The following EMC3 variants were observed in gnomAD, a reference collection of about 807,000 sequenced individuals.
EMC3 encodes 30 kDa protein.
A neutral mutation model predicts 36.6 loss-of-function variants in EMC3; 13 were observed. The ratio of observed to expected loss-of-function variants is 0.35; its 90% CI spans 0.23 to 0.56. EMC3 has a LOEUF of 0.56. Ranked by LOEUF, EMC3 falls within the 20% of genes least tolerant of loss-of-function variation. The pLI is 0.84. For missense variants in EMC3, 220 were observed against 324.5 expected, an observed-to-expected ratio of 0.68 and a Z score of 2.47; for synonymous variants, 120 against 111.9, an observed-to-expected ratio of 1.07 and a Z score of -0.46.
intron 1 of EMC3, among the ~76,000 whole-genome samples, chr3:9,995,112 GTTATGAC>G (rs1281827091): frequency 6.6e-6 from 1 of 152,114 alleles, no homozygotes; most frequent in Non-Finnish European, 1.5e-5. Context: ...TGAGAATTCT[GTTATGAC>G]TTATGGAGTG....
intron 1 of EMC3, among the ~76,000 whole-genome samples, chr3:9,984,125 A>C (rs913823931): frequency 6.7e-6 from 1 of 150,312 alleles, no homozygotes; most frequent in Admixed American, 6.7e-5. Flanking sequence ...CTCTGTCGCC[A>C]GGCTGGAGTG....
In EMC3 at chr3:10,008,749, T is replaced by C. The variant is rs1236286466; in HGVS notation, c.-242+2274A>G. 1.1e-4 allele frequency: 31 copies of C among 294,938 alleles called. No homozygotes were observed. The Admixed American group carries it at 1.5e-3, about 14-fold the overall frequency. 18.3% of individuals were successfully genotyped at this position (294,938 alleles called of 1,614,324 possible). A position where few individuals can be genotyped will look rare whatever the true frequency, so the allele number is the denominator to read the frequency against. On this transcript the variant is annotated intron_variant, in intron 1 of 8. Transcript: ENST00000470827. ...TCCCAGTACTCTGCTTTGTCCCCAT[T>C]CTCAGGTTCTGAAGTCATCCTGTTT...
chr3:9,991,229 T>C (rs1395490944), upstream of EMC3, among the ~76,000 whole-genome samples: 2 of 152,326 alleles, frequency 1.3e-5, no homozygotes, highest in East Asian at 3.9e-4. Context: ...CCCAAAGTGC[T>C]GGGATTATAG....
chr3:9,968,533 C>T (rs2085753911), intron 7 of EMC3: 1 of 152,222 alleles, frequency 6.6e-6, no homozygotes, highest in Non-Finnish European at 1.5e-5. Flanking sequence ...GTGGCAAGAA[C>T]AGACATCCTT....
chr3:9,974,234 G>C, intron 4 of EMC3, 150 bp downstream of exon 4: 1 of 603,808 alleles, frequency 1.7e-6, no homozygotes. Flanking sequence ...TCATTTTTGG[G>C]CAAAAGCCGT....
intron 1 of EMC3, among the ~76,000 whole-genome samples, chr3:9,983,344 C>T (rs953084262): frequency 2.0e-5 from 3 of 152,026 alleles, no homozygotes; most frequent in African/African-American, 7.3e-5. Context: ...GATGGGGTTT[C>T]ACCATGTTGG....
chr3:10,007,494 C>T (rs368603648), intron 1 of EMC3: 27 of 1,367,496 alleles, frequency 2.0e-5, no homozygotes, highest in South Asian at 5.7e-5. Flanking sequence ...CTTTCTGCTT[C>T]GATGGTTTCT....
intron 1 of EMC3, chr3:9,981,771 G>A (rs777312492): frequency 2.3e-6 from 1 of 440,680 alleles, no homozygotes. Flanking sequence ...TTTAAAGTCA[G>A]TACTTCTCAA....
chr3:9,980,292 G>A (rs1373369001), intron 1 of EMC3, among the ~76,000 whole-genome samples: 1 of 151,786 alleles, frequency 6.6e-6, no homozygotes, highest in African/African-American at 2.4e-5. Context: ...GGGATTACAG[G>A]CATGAAAAAC....
intron 7 of EMC3, among the ~76,000 whole-genome samples, chr3:9,966,665 C>T (rs913059661): frequency 2.0e-5 from 3 of 151,842 alleles, no homozygotes; most frequent in African/African-American, 7.3e-5. Flanking sequence ...ACCTCTGCCT[C>T]CCAGGTTCAA....
intron 1 of EMC3, among the ~76,000 whole-genome samples, chr3:9,982,886 T>TAA (rs1257974737): frequency 7.2e-6 from 1 of 139,136 alleles, no homozygotes. Flanking sequence ...ACTTGTCACT[T>TAA]AAAAAAAAAA....
intron 1 of EMC3, among the ~76,000 whole-genome samples, chr3:9,999,677 G>A (rs2086174056): frequency 6.6e-6 from 1 of 152,198 alleles, no homozygotes; most frequent in East Asian, 1.9e-4. Context: ...TCACAAATAC[G>A]CAGCAGTTTT....
At chr3:10,005,332 C>T (rs896187330) in intron 1 of EMC3, 2 of 152,056 alleles carry the variant, frequency 1.3e-5, no homozygotes, top group Non-Finnish European at 2.9e-5. Flanking sequence ...TGGACTTTGG[C>T]TTCAGTACAA....
intron 1 of EMC3, among the ~76,000 whole-genome samples, chr3:9,994,579 T>C (rs1212541699): frequency 2.2e-5 from 3 of 139,176 alleles, no homozygotes; most frequent in Non-Finnish European, 4.8e-5. Flanking sequence ...GAGACACTTT[T>C]TTTTTTTCAA....
upstream of EMC3, among the ~76,000 whole-genome samples, chr3:9,991,665 C>A (rs1478678133): frequency 2.6e-5 from 4 of 152,112 alleles, no homozygotes; most frequent in Non-Finnish European, 5.9e-5. Flanking sequence ...TAGGCATGAG[C>A]CTTCATGCCC....
At chr3:9,968,775 G>C (rs943902272) in intron 7 of EMC3, 1 of 151,990 alleles carries the variant, frequency 6.6e-6, no homozygotes, top group African/African-American at 2.4e-5. Context: ...CTCCTGGGTG[G>C]CTGGGATTAT....
rs569913295 is a variant in EMC3 at position 10,009,597 on chromosome 3, G to A, written c.-242+1426C>T. On this transcript the variant is annotated intron_variant, in intron 1 of 8. Coordinates refer to the EMC3 transcript ENST00000470827. ...GGCAAGGGCCCTGAGAGCTGCTCTTGCCATCCCTTGTCCCAGTTTTCTTGA... is the reference window on the plus strand; with the variant it reads ...GGCAAGGGCCCTGAGAGCTGCTCTTACCATCCCTTGTCCCAGTTTTCTTGA... Among the ~76,000 whole-genome samples the A allele has an allele frequency of 2.4e-4, 37 of 152,350 alleles. 1 individual carries two copies. The highest frequency in any genetic ancestry group is 3.4e-3 in the Middle Eastern group (1 of 294).
chr3:9,962,761 C>T lies in EMC3; in HGVS notation c.*1308G>A, dbSNP rs574710366. Reference sequence around the variant, plus strand: ...CTGCACTCAACATGCAAATTATATTCACCTCTTGGTACAGAAATGGCACCG... The same window carrying T: ...CTGCACTCAACATGCAAATTATATTTACCTCTTGGTACAGAAATGGCACCG... On this transcript the variant is annotated 3_prime_UTR_variant, in exon 8 of 8. Transcript: ENST00000245046. 7 of 147,976 alleles carry T rather than the reference C, an allele frequency of 4.7e-5. No individual in the cohort carries two copies. The highest frequency in any genetic ancestry group is 1.7e-4 in the African/African-American group (7 of 40,542). 9.2% of individuals were successfully genotyped at this position (147,976 alleles called of 1,614,324 possible). A position where few individuals can be genotyped will look rare whatever the true frequency, so the allele number is the denominator to read the frequency against.
At chr3:9,989,536 T>C (rs1013921582), upstream of EMC3, among the ~76,000 whole-genome samples, 1 of 152,258 alleles carries the variant, frequency 6.6e-6, no homozygotes, top group Non-Finnish European at 1.5e-5. Flanking sequence ...AAGATTTTTC[T>C]TTGGTTGGAA....
Sources: allele counts gnomAD v4.1 joint callset (sites outside exome capture counted in the v4.1 genomes callset), GRCh38; gene constraint gnomAD v4.1.1; transcripts MANE v1.5; gene names NCBI Gene and HGNC (gene_info 2026-07-23, HGNC 2026-07-21).